SMC5: variants seen among roughly 807,000 people sequenced by gnomAD.
SMC5 encodes the protein structural maintenance of chromosomes 5.
Under a neutral mutation model 148.3 loss-of-function variants are expected in SMC5, and 88 were observed. The observed-to-expected ratio is 0.59, with a 90% CI of 0.50 to 0.71. The LOEUF is 0.71. Among genes scored for constraint, SMC5 ranks in the 30% least tolerant of loss-of-function variants. The pLI is 0.00. For missense variants in SMC5, 1,142 were observed against 1,298.9 expected (o/e 0.88, Z 1.86); for synonymous variants, 421 against 432.8 (o/e 0.97, Z 0.34).
intron 4 of SMC5, 43 bp from the exon 5 acceptor site, chr9:70,278,448 G>T: frequency 1.9e-6 from 3 of 1,583,006 alleles, no homozygotes; most frequent in Non-Finnish European, 2.6e-6. Context: ...GAAGATATAT[G>T]TAAATGAATG....
intron 17 of SMC5, among the ~76,000 whole-genome samples, chr9:70,324,901 T>G (rs2036038309): frequency 6.6e-6 from 1 of 152,194 alleles, no homozygotes; most frequent in Non-Finnish European, 1.5e-5. Context: ...GTTCCTAAAC[T>G]CAAAAGTTTC....
chr9:70,319,951 A>T (rs941445324), intron 15 of SMC5, among the ~76,000 whole-genome samples: 2 of 152,246 alleles, frequency 1.3e-5, no homozygotes, highest in African/African-American at 4.8e-5. Context: ...TTTTCATTTG[A>T]AAGTTTGAAC....
intron 10 of SMC5, among the ~76,000 whole-genome samples, chr9:70,301,599 C>G (rs1214229006): frequency 1.3e-5 from 2 of 152,048 alleles, no homozygotes; most frequent in Non-Finnish European, 2.9e-5. Context: ...TTTAACAATT[C>G]CAATCTAGAA....
intron 15 of SMC5, among the ~76,000 whole-genome samples, chr9:70,319,661 G>T (rs980226597): frequency 2.0e-5 from 3 of 152,126 alleles, no homozygotes; most frequent in African/African-American, 7.2e-5. Flanking sequence ...TAATTGCAGT[G>T]TGGAATCTGA....
At chr9:70,285,674 C>G (rs1420935259) in intron 7 of SMC5, among the ~76,000 whole-genome samples, 1 of 152,134 alleles carries the variant, frequency 6.6e-6, no homozygotes, top group Non-Finnish European at 1.5e-5. Context: ...CTGTATAGCC[C>G]TGTTTTCTAC....
intron 17 of SMC5, among the ~76,000 whole-genome samples, chr9:70,328,429 G>A (rs1425020668): frequency 6.6e-6 from 1 of 152,140 alleles, no homozygotes; most frequent in Non-Finnish European, 1.5e-5. Flanking sequence ...CAAAACGAAG[G>A]AACTACAGGC....
chr9:70,273,079 A>G (rs1282111812), intron 3 of SMC5, among the ~76,000 whole-genome samples: 2 of 151,894 alleles, frequency 1.3e-5, no homozygotes, highest in African/African-American at 4.8e-5. Context: ...GAATTTTTAC[A>G]TCCGTATTTT....
rs73647455 is a variant in SMC5 at position 70,291,985 on chromosome 9, G to A, written c.1053+5714G>A. The stretch of plus-strand genomic sequence containing the variant: ...TGAATGGAACAATGGGTTTAGGAAT[G>A]AAGCAAGTTCAAAATTCTACAGAGC... On this transcript the variant is annotated intron_variant, in intron 8 of 24. Transcript: ENST00000361138. 8.2e-3 allele frequency among the ~76,000 whole-genome samples: 1,253 copies of A among 152,274 alleles called. 17 individuals are homozygous for A. The highest frequency in any genetic ancestry group is 0.029 in the African/African-American group (1,209 of 41,560).
chr9:70,283,681 TGATGGTAAA>T (rs1485879826), intron 7 of SMC5, among the ~76,000 whole-genome samples: 3 of 152,126 alleles, frequency 2.0e-5, no homozygotes, highest in Non-Finnish European at 4.4e-5. Context: ...TGGGTGTCAG[TGATGGTAAA>T]GGGTGGATCT....
rs572058330 is a variant in SMC5, at chr9:70,296,917, A to G, written c.1054-1049A>G. On this transcript the variant is annotated intron_variant, in intron 8 of 24. Coordinates refer to ENST00000361138, the MANE Select transcript of SMC5 (RefSeq NM_015110.4). ...TATAAAAATGTAATTTACCCTGAAT[A>G]TAAGTGAAGGAATCTAAGCATATAG... Among the ~76,000 whole-genome samples, 8 of 152,344 alleles carry G rather than the reference A, an allele frequency of 5.3e-5. No homozygotes were observed. The East Asian group carries it at 1.5e-3, about 29-fold the overall frequency.
chr9:70,259,400 C>G, intron 1 of SMC5, 137 bp downstream of exon 1: 1 of 888,350 alleles, frequency 1.1e-6, no homozygotes, highest in Non-Finnish European at 1.7e-6. Context: ...TGCCGGGGTT[C>G]CCTTGAGGAT....
rs568914584 is a variant in SMC5 at position 70,267,915 on chromosome 9, T to C, written c.328-8T>C. 6.2e-7 allele frequency: 1 copy of C among 1,609,150 alleles called. No individual in the cohort carries two copies. Among genetic ancestry groups the C allele is most frequent in the Admixed American group, 1.7e-5 (1 of 59,504 alleles). On this transcript the variant is annotated splice_polypyrimidine_tract_variant and splice_region_variant and intron_variant, in intron 2 of 24. Coordinates refer to ENST00000361138, the MANE Select transcript of SMC5 (RefSeq NM_015110.4). ...TACACAGCTCACTTTTTCTTTTTTATGTCTTAGGTTGGGTTTTTTGTGAAG... is the reference window on the plus strand; with the variant it reads ...TACACAGCTCACTTTTTCTTTTTTACGTCTTAGGTTGGGTTTTTTGTGAAG...
intron 17 of SMC5, among the ~76,000 whole-genome samples, chr9:70,343,253 A>G (rs184878531): frequency 9.2e-5 from 14 of 152,248 alleles, no homozygotes; most frequent in East Asian, 5.8e-4. Context: ...GGCCCAGCAC[A>G]TAAGCATTCG....
At chr9:70,270,642 A>ATTTTTTTTTTTTTTTTTTTTTTTT (rs71364589) in intron 3 of SMC5, among the ~76,000 whole-genome samples, 1 of 103,818 alleles carries the variant, frequency 9.6e-6, no homozygotes. Flanking sequence ...AGACTAAATA[A>ATTTTTTTTTTTTTTTTTTTTTTTT]TTTTTTTTTT....
chr9:70,286,135 C>G, intron 7 of SMC5, 65 bp from the exon 8 acceptor site: 1 of 931,090 alleles, frequency 1.1e-6, no homozygotes, highest in Non-Finnish European at 1.8e-6. Context: ...TGGGCAGGGC[C>G]ATATAATTTG....
chr9:70,348,067 T>C, intron 22 of SMC5, 29 bp downstream of exon 22: 3 of 1,500,862 alleles, frequency 2.0e-6, no homozygotes, highest in Non-Finnish European at 2.7e-6. Context: ...TAAATAATAT[T>C]TCTGGCAAAT....
chr9:70,350,101 A>G lies in SMC5; in HGVS notation c.2890-13A>G. On this transcript the variant is annotated splice_polypyrimidine_tract_variant and intron_variant, in intron 22 of 24. Transcript: ENST00000361138. ...GGAAACTCATTTTTCATCACTTTTT[A>G]AATGTTTTATAGGAAGATTATGATA... is the stretch of plus-strand genomic sequence containing the variant. 1 of 1,560,162 alleles carries G rather than the reference A, an allele frequency of 6.4e-7. No individual in the cohort carries two copies. Among genetic ancestry groups the G allele is most frequent in the Non-Finnish European group, 8.7e-7 (1 of 1,147,078 alleles).
intron 1 of SMC5, among the ~76,000 whole-genome samples, chr9:70,262,550 A>G (rs756398784): frequency 6.6e-6 from 1 of 152,238 alleles, no homozygotes; most frequent in African/African-American, 2.4e-5. Context: ...AATACCATTC[A>G]CTAAGAGACC....
chr9:70,260,005 C>G (rs920253344), intron 1 of SMC5, among the ~76,000 whole-genome samples: 2 of 151,130 alleles, frequency 1.3e-5, no homozygotes, highest in East Asian at 3.9e-4. Context: ...AGTGCTGTGC[C>G]GCGATCTCGG....
Sources: gnomAD v4.1 joint callset for allele counts (sites outside exome capture counted in the v4.1 genomes callset) on GRCh38, gnomAD v4.1.1 for gene constraint, MANE v1.5 for transcripts, NCBI Gene and HGNC (gene_info 2026-07-23, HGNC 2026-07-21) for gene names.